Variants in PXDN observed in about 807,000 individuals in gnomAD.
PXDN encodes peroxidasin.
In PXDN, 77 loss-of-function variants were observed where a neutral mutation model predicts 140.3. The observed-to-expected ratio is 0.55, with a 90% CI of 0.46 to 0.66. The LOEUF is 0.66. PXDN is among the 30% of genes least tolerant of loss of function. The probability of loss-of-function intolerance (pLI) is 0.00; values close to 1 mark genes in which losing one functional copy is unlikely to be tolerated. For synonymous variants in PXDN, 911 were observed against 857.4 expected (o/e 1.06, Z -1.09); for missense variants, 1,838 against 2,039.5 (o/e 0.90, Z 1.90).
intron 3 of PXDN, among the ~76,000 whole-genome samples, chr2:1,688,374 G>A (rs1026984706): frequency 3.3e-5 from 5 of 152,248 alleles, no homozygotes; most frequent in Admixed American, 6.5e-5. Flanking sequence ...CTGCGCTGGC[G>A]CTGTGTGGCC....
intron 8 of PXDN, among the ~76,000 whole-genome samples, chr2:1,675,999 C>T (rs1683697613): frequency 6.6e-6 from 1 of 152,170 alleles, no homozygotes; most frequent in East Asian, 1.9e-4. Context: ...GGCTTTACTT[C>T]AGGATTTTCT....
chr2:1,662,305 T>A (rs1231333466), intron 12 of PXDN, 121 bp from the exon 13 acceptor site: 9 of 838,932 alleles, frequency 1.1e-5, no homozygotes, highest in Non-Finnish European at 1.8e-5. Context: ...CACAGTCAGT[T>A]TCAGAATGGG....
rs959477657 is a variant in PXDN, at chr2:1,688,602, G to A, written c.345-899C>T. On this transcript the variant is annotated intron_variant, in intron 3 of 22. Coordinates refer to ENST00000252804, the MANE Select transcript of PXDN (RefSeq NM_012293.3). Reference sequence around the variant, plus strand: ...CACAGCTCTAGGCCAGCAGCTTGGGGGACCCCAAGAAGGCTGTGAATCTGT... The same window carrying A: ...CACAGCTCTAGGCCAGCAGCTTGGGAGACCCCAAGAAGGCTGTGAATCTGT... Among the ~76,000 whole-genome samples, 3 of 152,314 alleles carry A rather than the reference G, an allele frequency of 2.0e-5. 1 individual carries two copies. The highest frequency in any genetic ancestry group is 3.9e-4 in the East Asian group (2 of 5,166).
At chr2:1,697,230 G>A (rs1684318614) in intron 1 of PXDN, among the ~76,000 whole-genome samples, 1 of 152,172 alleles carries the variant, frequency 6.6e-6, no homozygotes, top group African/African-American at 2.4e-5. Flanking sequence ...TACACACTAT[G>A]TATATTTTTA....
chr2:1,682,525 C>T (rs1381346048), intron 6 of PXDN, among the ~76,000 whole-genome samples: 3 of 152,180 alleles, frequency 2.0e-5, no homozygotes, highest in Non-Finnish European at 4.4e-5. Context: ...CCGAAACTAA[C>T]GGTTTCAAGA....
chr2:1,679,284 T>A (rs1683809161), intron 7 of PXDN, among the ~76,000 whole-genome samples: 1 of 146,624 alleles, frequency 6.8e-6, no homozygotes, highest in Non-Finnish European at 1.5e-5. Context: ...TGTATGTGCA[T>A]GTGTGTGTGG....
chr2:1,665,592 C>A (rs1683416437), intron 10 of PXDN, among the ~76,000 whole-genome samples: 1 of 152,224 alleles, frequency 6.6e-6, no homozygotes, highest in Admixed American at 6.5e-5. Flanking sequence ...GCTGTGCGTG[C>A]AGATTCTCGA....
Position 1,635,021 on chromosome 2 carries a change from C to T in PXDN, c.4320+387G>A, listed in dbSNP as rs1160032681. Among the ~76,000 whole-genome samples, 7 of 152,314 alleles carry T rather than the reference C, an allele frequency of 4.6e-5. No homozygotes were observed. In the East Asian group the frequency reaches 1.4e-3, roughly 30 times the overall value. ...GAGATGGGACAGGGCCAGTGGTGGG[C>T]AGGTCAGTGTTTACCCACCAGCTCT... On this transcript the variant is annotated intron_variant, in intron 22 of 22. Coordinates refer to ENST00000252804, the MANE Select transcript of PXDN (RefSeq NM_012293.3).
chr2:1,656,667 C>T (rs966038641), intron 14 of PXDN, among the ~76,000 whole-genome samples: 2 of 150,842 alleles, frequency 1.3e-5, no homozygotes, highest in Non-Finnish European at 3.0e-5. Context: ...AAATCTGCCC[C>T]ATCCCGACTG....
At chr2:1,710,668 CGCTCT>C (rs1684738431) in intron 1 of PXDN, among the ~76,000 whole-genome samples, 1 of 144,622 alleles carries the variant, frequency 6.9e-6, no homozygotes, top group Admixed American at 6.8e-5. Context: ...CACCAGCACC[CGCTCT>C]ACCAGCACCC....
intron 11 of PXDN, 72 bp from the exon 12 acceptor site, chr2:1,663,835 T>G: frequency 6.4e-7 from 1 of 1,554,884 alleles, no homozygotes. Context: ...ACTGACAGCA[T>G]GACCACAGAA....
At chr2:1,677,260 G>A (rs1683743241) in intron 7 of PXDN, among the ~76,000 whole-genome samples, 1 of 152,196 alleles carries the variant, frequency 6.6e-6, no homozygotes, top group Admixed American at 6.5e-5. Flanking sequence ...AGGGTGCCAT[G>A]TTCTGAGCAC....
intron 21 of PXDN, among the ~76,000 whole-genome samples, chr2:1,638,607 GAC>G (rs1195215604): frequency 6.6e-6 from 1 of 152,170 alleles, no homozygotes; most frequent in Non-Finnish European, 1.5e-5. Context: ...ACACGGCCGT[GAC>G]ACAGATTGCC....
At chr2:1,686,607 G>A (rs1290946822) in intron 4 of PXDN, among the ~76,000 whole-genome samples, 13 of 152,102 alleles carry the variant, frequency 8.5e-5, no homozygotes, top group Non-Finnish European at 5.9e-5. Flanking sequence ...CCTACATCTG[G>A]GTGTTCCCTG....
At chr2:1,720,556 C>G (rs1685016823) in intron 1 of PXDN, among the ~76,000 whole-genome samples, 1 of 152,018 alleles carries the variant, frequency 6.6e-6, no homozygotes, top group East Asian at 1.9e-4. Context: ...TCTCACACCA[C>G]CTGCTCCAGA....
rs2125397307 is a variant in PXDN at position 1,632,425 on chromosome 2, T to G, written c.*1779A>C. The G allele has an allele frequency of 6.6e-6, 1 of 152,348 alleles. No homozygotes were observed. Among genetic ancestry groups the G allele is most frequent in the African/African-American group, 2.4e-5 (1 of 41,570 alleles). 9.4% of individuals were successfully genotyped at this position (152,348 alleles called of 1,614,324 possible). ...TATTTGACAGAAATCTCTTCCACAA[T>G]TTGGTCACTACATTTGACTTGCTAT... is the stretch of plus-strand genomic sequence containing the variant. On this transcript the variant is annotated 3_prime_UTR_variant, in exon 23 of 23. Coordinates refer to ENST00000252804, the MANE Select transcript of PXDN (RefSeq NM_012293.3). This position sits in a 1 kb window ranked among gnomAD's most constrained non-coding sequence, Gnocchi z 4.3.
Position 1,649,605 on chromosome 2 carries a change from G to T in PXDN, c.2175C>A (p.Ala725=). 1.9e-6 allele frequency: 3 copies of T among 1,614,032 alleles called. No homozygotes were observed. Among genetic ancestry groups the T allele is most frequent in the Non-Finnish European group, 2.5e-6 (3 of 1,179,886 alleles). The change falls in exon 17 of 23, where the codon GCC becomes GCA. Residue 725 remains alanine, a synonymous_variant. Coordinates refer to ENST00000252804, the MANE Select transcript of PXDN (RefSeq NM_012293.3). This position sits in a 1 kb window ranked among gnomAD's most constrained non-coding sequence, Gnocchi z 7.1. ...NLIANLSGCT[A]HRRVNNCSDM... ...CCGAGCAGTTGTTCACGCGCCGGTGGGCGGTACAGCCCGACAGGTTTGCGA... is the reference window on the plus strand; with the variant it reads ...CCGAGCAGTTGTTCACGCGCCGGTGTGCGGTACAGCCCGACAGGTTTGCGA...
chr2:1,737,910 A>G (rs542059101), intron 1 of PXDN, among the ~76,000 whole-genome samples: 5 of 152,328 alleles, frequency 3.3e-5, no homozygotes, highest in Admixed American at 3.3e-4. Flanking sequence ...ATTTAGAAAA[A>G]TATCTATCAA....
chr2:1,674,988 C>A (rs1683664129), intron 8 of PXDN, among the ~76,000 whole-genome samples: 1 of 152,194 alleles, frequency 6.6e-6, no homozygotes, highest in East Asian at 1.9e-4. Flanking sequence ...CAGCGCGCAG[C>A]CAAACCGTCG....
Sources: allele counts gnomAD v4.1 joint callset (sites outside exome capture counted in the v4.1 genomes callset), GRCh38; gene constraint gnomAD v4.1.1; non-coding constraint Gnocchi (gnomAD v3.1); transcripts MANE v1.5; gene names NCBI Gene and HGNC (gene_info 2026-07-23, HGNC 2026-07-21).